The following HTT variants were observed in gnomAD, a reference collection of about 807,000 sequenced individuals.
HTT encodes huntington disease protein.
In HTT, 104 loss-of-function variants were observed where a neutral mutation model predicts 362.3. That is an observed-to-expected ratio of 0.29 (90% confidence interval 0.24 to 0.34). HTT has a LOEUF of 0.34. Ranked by LOEUF, HTT falls within the 10% of genes least tolerant of loss-of-function variation. HTT has a pLI of 1.00. For missense variants in HTT, 3,301 were observed against 3,928.6 expected (o/e 0.84, Z 4.27); for synonymous variants, 1,577 against 1,548.7 (o/e 1.02, Z -0.43).
intron 60 of HTT, 141 bp from the exon 61 acceptor site, chr4:3,233,022 C>T (rs2110299571): frequency 3.1e-6 from 2 of 643,096 alleles, no homozygotes; most frequent in East Asian, 5.2e-5. Context: ...GCACACAGGC[C>T]TCTCAGGATG....
intron 54 of HTT, among the ~76,000 whole-genome samples, chr4:3,223,109 C>G (rs1246078996): frequency 6.6e-6 from 1 of 152,266 alleles, no homozygotes; most frequent in Middle Eastern, 3.4e-3. Flanking sequence ...TAAGCAAGGC[C>G]TGTAAAATGT....
chr4:3,166,044 G>A (rs1717686471), intron 29 of HTT, among the ~76,000 whole-genome samples: 1 of 152,132 alleles, frequency 6.6e-6, no homozygotes, highest in African/African-American at 2.4e-5. Context: ...CCATCATTGT[G>A]GTTTTATCTA....
chr4:3,238,775 T>TC (rs770194940), intron 65 of HTT, 43 bp from the exon 66 acceptor site: 3 of 1,296,772 alleles, frequency 2.3e-6, no homozygotes, highest in South Asian at 1.4e-5. Context: ...GTGCTTCCCG[T>TC]CCCCCCAGCC....
At chr4:3,220,373 C>T in intron 53 of HTT, 65 bp downstream of exon 53, 1 of 1,516,106 alleles carries the variant, frequency 6.6e-7, no homozygotes. Context: ...AATCCAGAGC[C>T]CCCAGTACTG....
At chr4:3,212,763 A>G (rs1483645228) in intron 49 of HTT, 54 bp downstream of exon 49, 6 of 1,590,432 alleles carry the variant, frequency 3.8e-6, no homozygotes, top group Non-Finnish European at 5.2e-6. Context: ...CATGGGGCTG[A>G]CACTGAAGAG....
rs575470413 is a variant in HTT, at chr4:3,140,437, A to G, written c.2799-73A>G. The G allele has an allele frequency of 4.6e-5, 62 of 1,353,838 alleles. No homozygotes were observed. The South Asian group carries it at 4.8e-4, about 10-fold the overall frequency. The allele number at this position is 1,353,838 out of a possible 1,614,324, so 83.9% of individuals were successfully genotyped here. A position where few individuals can be genotyped will look rare whatever the true frequency, so the allele number is the denominator to read the frequency against. ...CAGAGGTGTTGGCTTAGCCATCTGCAGGGAGGAGGGTGGTCTATCACAGGT... is the reference window on the plus strand; with the variant it reads ...CAGAGGTGTTGGCTTAGCCATCTGCGGGGAGGAGGGTGGTCTATCACAGGT... On this transcript the variant is annotated intron_variant, in intron 21 of 66. Transcript: ENST00000355072.
chr4:3,132,840 A>G lies in HTT; in HGVS notation c.2422A>G (p.Ile808Val), dbSNP rs1715889846. 3 of 1,614,052 alleles carry G rather than the reference A, an allele frequency of 1.9e-6. No homozygotes were observed. The highest frequency in any genetic ancestry group is 1.3e-5 in the African/African-American group (1 of 74,936). ...TGNTFSLADC[I>V]PLLRKTLKDE... is the part of the protein sequence containing the mutation. Reference sequence around the variant, plus strand: ...AAATACATTTTCTTTGGCGGATTGCATTCCTTTGCTGCGGAAAACACTGAA... The same window carrying G: ...AAATACATTTTCTTTGGCGGATTGCGTTCCTTTGCTGCGGAAAACACTGAA... Residue 808 changes from isoleucine to valine, a missense_variant, in exon 18 of 67, where the codon ATT becomes GTT. Coordinates refer to ENST00000355072, the MANE Select transcript of HTT (RefSeq NM_001388492.1).
At position 3,160,288 on chromosome 4, in the gene HTT, C is replaced by G. The variant is rs369972338; in HGVS notation, c.3760C>G (p.Leu1254Val). The G allele has an allele frequency of 4.5e-6, 7 of 1,549,904 alleles. No individual in the cohort carries two copies. The highest frequency in any genetic ancestry group is 1.4e-5 in the African/African-American group (1 of 73,070). Residue 1254 changes from leucine (L) to valine (V), a missense_variant, in exon 29 of 67, where the codon CTG becomes GTG. Transcript: ENST00000355072. ...TCTCCTTCACCTTCCCAAGGTCACG[C>G]TGGATCTTCAGAACAGCACGGAAAA... ...KATHANYKVTLDLQNSTEKFG... is the reference protein window; with the variant it reads ...KATHANYKVTVDLQNSTEKFG...
rs1394772244 is a variant in HTT at position 3,131,793 on chromosome 4, A to G, written c.2236+18A>G. ...ATACCCTGGTATGTTAAAAGTTCAC[A>G]TCTTATTTTCTCAGATTTAATCATT... On this transcript the variant is annotated intron_variant, in intron 16 of 66. Transcript: ENST00000355072. 5 of 1,602,466 alleles carry G rather than the reference A, an allele frequency of 3.1e-6. No individual in the cohort carries two copies. The highest frequency in any genetic ancestry group is 2.7e-5 in the African/African-American group (2 of 74,362).
At chr4:3,080,558 T>C (rs1241222809) in intron 1 of HTT, among the ~76,000 whole-genome samples, 1 of 152,268 alleles carries the variant, frequency 6.6e-6, no homozygotes, top group Non-Finnish European at 1.5e-5. Context: ...GATTGTCTTT[T>C]TACTTTCTTG....
Position 3,115,390 on chromosome 4 carries a change from C to T in HTT, c.834C>T (p.Cys278=), listed in dbSNP as rs764503464. ...CGGCTGGATCAGCAGTGAGCATCTG[C>T]CAGCACTCAAGAAGGACACAATATT... ...RTAAGSAVSI[C]QHSRRTQYFY... Residue 278 remains cysteine, a synonymous_variant, in exon 7 of 67, where the codon TGC becomes TGT. Coordinates refer to ENST00000355072, the MANE Select transcript of HTT (RefSeq NM_001388492.1). 1.9e-6 allele frequency: 3 copies of T among 1,613,762 alleles called. No homozygotes were observed. In the South Asian group the frequency reaches 3.3e-5, roughly 18 times the overall value.
Position 3,123,551 on chromosome 4 carries a change from G to GCA in HTT, c.1321+615_1321+616insCA, listed in dbSNP as rs1715391924. 2.0e-5 allele frequency: 3 copies of GCA among 152,214 alleles called. No homozygotes were observed. In the South Asian group the frequency reaches 6.2e-4, roughly 31 times the overall value. 9.4% of individuals were successfully genotyped at this position (152,214 alleles called of 1,614,324 possible). ...ACAAAACAAAAAAACAGCCACGCATGTGGCATGTGCCTGTAGCCTCAGCTG... is the reference window on the plus strand; with the variant it reads ...ACAAAACAAAAAAACAGCCACGCATGCATGGCATGTGCCTGTAGCCTCAGCTG... On this transcript the variant is annotated intron_variant, in intron 10 of 66. Coordinates refer to ENST00000355072, the MANE Select transcript of HTT (RefSeq NM_001388492.1).
intron 1 of HTT, among the ~76,000 whole-genome samples, chr4:3,082,349 G>C (rs1712956964): frequency 6.6e-6 from 1 of 151,570 alleles, no homozygotes; most frequent in Non-Finnish European, 1.5e-5. Flanking sequence ...TCAACCACTT[G>C]ATAAACTACC....
intron 24 of HTT, among the ~76,000 whole-genome samples, 175 bp from the exon 25 acceptor site, chr4:3,146,622 T>C (rs988588535): frequency 6.6e-6 from 1 of 152,224 alleles, no homozygotes; most frequent in African/African-American, 2.4e-5. Flanking sequence ...TCTCAAATGA[T>C]TTTTATGGAG....
intron 2 of HTT, among the ~76,000 whole-genome samples, chr4:3,094,931 G>A (rs1713760052): frequency 6.6e-6 from 1 of 151,646 alleles, no homozygotes; most frequent in African/African-American, 2.4e-5. Flanking sequence ...CTCAGACGGG[G>A]CGGCGGGGCA....
chr4:3,217,901 C>T lies in HTT; in HGVS notation c.7191C>T (p.Ile2397=), dbSNP rs2110282736. Residue 2397 remains isoleucine (I), a synonymous_variant, in exon 52 of 67, where the codon ATC becomes ATT. Transcript: ENST00000355072. ...FLTPLLRNII[I]SLARLPLVNS... ...CGCCATTGCTAAGGAACATCATCAT[C>T]AGCCTGGCCCGCCTGCCCCTTGTCA... 1 of 1,613,912 alleles carries T rather than the reference C, an allele frequency of 6.2e-7. No homozygotes were observed. Among genetic ancestry groups the T allele is most frequent in the East Asian group, 2.2e-5 (1 of 44,886 alleles).
In HTT at chr4:3,222,777, T is replaced by C. The variant is rs1032843530; in HGVS notation, c.7470+290T>C. Reference sequence around the variant, plus strand: ...GAAAATATCTTTTAGTTTATCAATATTCAGAGGAGTGTAGGTTGAATTAAA... The same window carrying C: ...GAAAATATCTTTTAGTTTATCAATACTCAGAGGAGTGTAGGTTGAATTAAA... On this transcript the variant is annotated intron_variant, in intron 54 of 66. Coordinates refer to ENST00000355072, the MANE Select transcript of HTT (RefSeq NM_001388492.1). Among the ~76,000 whole-genome samples, 5 of 152,360 alleles carry C rather than the reference T, an allele frequency of 3.3e-5. No homozygotes were observed. The South Asian group carries it at 1.0e-3, about 32-fold the overall frequency.
At chr4:3,150,647 A>G (rs1269259346) in intron 26 of HTT, among the ~76,000 whole-genome samples, 1 of 152,118 alleles carries the variant, frequency 6.6e-6, no homozygotes, top group Non-Finnish European at 1.5e-5. Context: ...TCCCCTACTA[A>G]ATATTTTGCG....
chr4:3,101,603 G>A (rs567781457), intron 3 of HTT, among the ~76,000 whole-genome samples: 3 of 152,342 alleles, frequency 2.0e-5, no homozygotes, highest in Admixed American at 1.3e-4. Flanking sequence ...CATGAGTATG[G>A]CTGTGTGTGT....
Sources: gnomAD v4.1 joint callset for allele counts (sites outside exome capture counted in the v4.1 genomes callset) on GRCh38, gnomAD v4.1.1 for gene constraint, MANE v1.5 for transcripts, NCBI Gene and HGNC (gene_info 2026-07-23, HGNC 2026-07-21) for gene names.